CARMIL1: variants seen among roughly 807,000 people sequenced by gnomAD.
CARMIL1 encodes the protein F-actin-uncapping protein LRRC16A.
A neutral mutation model predicts 177.1 loss-of-function variants in CARMIL1; 90 were observed. The observed-to-expected ratio is 0.51, with a 90% confidence interval of 0.43 to 0.61. The LOEUF (loss-of-function observed/expected upper bound fraction) is 0.61, where lower values mean the gene tolerates loss of function less well. Among genes scored for constraint, CARMIL1 ranks in the 20% least tolerant of loss-of-function variants. CARMIL1 has a pLI of 0.00. For missense variants in CARMIL1, 1,380 were observed against 1,667.0 expected (o/e 0.83, Z 3.00); for synonymous variants, 577 against 606.2 (o/e 0.95, Z 0.71).
chr6:25,611,412 C>T (rs904620019), intron 36 of CARMIL1, among the ~76,000 whole-genome samples: 1 of 152,186 alleles, frequency 6.6e-6, no homozygotes, highest in Non-Finnish European at 1.5e-5. Context: ...AAAGGAAGGA[C>T]CTTTGGTGAT....
intron 2 of CARMIL1, among the ~76,000 whole-genome samples, chr6:25,352,046 G>A (rs1788156416): frequency 6.6e-6 from 1 of 150,642 alleles, no homozygotes; most frequent in Non-Finnish European, 1.5e-5. Flanking sequence ...GTCTCTTTTT[G>A]TTCCTGATGT....
At chr6:25,439,062 C>T (rs780506772) in intron 5 of CARMIL1, among the ~76,000 whole-genome samples, 10 of 150,618 alleles carry the variant, frequency 6.6e-5, no homozygotes, top group Non-Finnish European at 1.2e-4. Flanking sequence ...TGGGTAAGGG[C>T]AGTGAGGAAA....
At chr6:25,617,471 C>T (rs1469279898) in intron 36 of CARMIL1, among the ~76,000 whole-genome samples, 1 of 152,152 alleles carries the variant, frequency 6.6e-6, no homozygotes, top group Non-Finnish European at 1.5e-5. Flanking sequence ...AATATATTTG[C>T]TCTGAAGACA....
chr6:25,381,710 A>G (rs1332127767), intron 2 of CARMIL1, among the ~76,000 whole-genome samples: 1 of 152,142 alleles, frequency 6.6e-6, no homozygotes, highest in Non-Finnish European at 1.5e-5. Context: ...CTAGATGCCC[A>G]CCCTCCTAGC....
intron 5 of CARMIL1, among the ~76,000 whole-genome samples, chr6:25,440,872 T>C (rs1290276262): frequency 1.3e-5 from 2 of 152,054 alleles, no homozygotes; most frequent in African/African-American, 2.4e-5. Context: ...CCTTCCTTGC[T>C]TAGGGTACCT....
At chr6:25,319,799 C>G (rs147351684) in intron 2 of CARMIL1, among the ~76,000 whole-genome samples, 1 of 140,180 alleles carries the variant, frequency 7.1e-6, no homozygotes, top group East Asian at 2.1e-4. Context: ...AACAGAGTCT[C>G]GCTCTGTCAC....
At chr6:25,536,453 A>G (rs941381004) in intron 24 of CARMIL1, among the ~76,000 whole-genome samples, 1 of 152,106 alleles carries the variant, frequency 6.6e-6, no homozygotes, top group African/African-American at 2.4e-5. Context: ...TCTTTTTCCT[A>G]GGGGGATCTC....
intron 2 of CARMIL1, among the ~76,000 whole-genome samples, chr6:25,327,437 A>G (rs1785232602): frequency 6.6e-6 from 1 of 152,234 alleles, no homozygotes; most frequent in Non-Finnish European, 1.5e-5. Context: ...ATAAAAAGTC[A>G]AGAATCAACT....
intron 2 of CARMIL1, among the ~76,000 whole-genome samples, chr6:25,347,925 G>T (rs1436930012): frequency 6.6e-6 from 1 of 152,188 alleles, no homozygotes; most frequent in African/African-American, 2.4e-5. Context: ...ATAGAGAAAG[G>T]AGGTTAAGTT....
chr6:25,512,990 G>A (rs1007742731), intron 20 of CARMIL1, among the ~76,000 whole-genome samples: 7 of 152,132 alleles, frequency 4.6e-5, no homozygotes, highest in Non-Finnish European at 1.0e-4. Flanking sequence ...AAATCAAGAA[G>A]GGATGACCTT....
At chr6:25,335,938 TCTGCTCTGTTACTGTGTTGGCCATTGTTA>T (rs758112893) in intron 2 of CARMIL1, among the ~76,000 whole-genome samples, 3 of 151,838 alleles carry the variant, frequency 2.0e-5, no homozygotes, top group Non-Finnish European at 4.4e-5. Flanking sequence ...GGGATCTCTG[TCTGCTCTGTTACTGTGTTGGCCATTGTTA>T]CTGCTCTGTT....
At chr6:25,533,084 T>C (rs766741937) in intron 24 of CARMIL1, among the ~76,000 whole-genome samples, 1 of 152,184 alleles carries the variant, frequency 6.6e-6, no homozygotes, top group Non-Finnish European at 1.5e-5. Context: ...GCTTTACTTC[T>C]TAGAGCTATT....
chr6:25,470,679 T>A (rs772518772), intron 9 of CARMIL1, among the ~76,000 whole-genome samples: 3 of 152,188 alleles, frequency 2.0e-5, no homozygotes, highest in African/African-American at 4.8e-5. Flanking sequence ...TCCAGCAGAC[T>A]TGGTGTCTGG....
At chr6:25,478,927 G>C (rs763135702) in intron 11 of CARMIL1, among the ~76,000 whole-genome samples, 12 of 151,936 alleles carry the variant, frequency 7.9e-5, no homozygotes, top group Non-Finnish European at 1.6e-4. Context: ...CCTTATTTTT[G>C]AAATGGAAAT....
chr6:25,527,502 C>T (rs767013564), intron 23 of CARMIL1, among the ~76,000 whole-genome samples: 7 of 152,042 alleles, frequency 4.6e-5, no homozygotes, highest in African/African-American at 1.5e-4. Context: ...GCAAAAGGAC[C>T]GGAAGCTGGG....
chr6:25,605,501 A>T (rs1815865065), intron 34 of CARMIL1, among the ~76,000 whole-genome samples: 1 of 152,182 alleles, frequency 6.6e-6, no homozygotes, highest in African/African-American at 2.4e-5. Flanking sequence ...ATCACATTTT[A>T]TGGGCTTATT....
At chr6:25,469,877 A>G (rs529783429) in intron 9 of CARMIL1, among the ~76,000 whole-genome samples, 3 of 152,304 alleles carry the variant, frequency 2.0e-5, no homozygotes, top group African/African-American at 7.2e-5. Context: ...TGTATAAGTA[A>G]TATTAAGGTC....
chr6:25,477,623 AT>A (rs11356272), intron 11 of CARMIL1, among the ~76,000 whole-genome samples: 30,735 of 148,786 alleles, frequency 0.21, 3,135 homozygotes, highest in South Asian at 0.27. Flanking sequence ...ATGACAAGCA[AT>A]TTTTTTTTTT....
At chr6:25,363,231 G>T (rs1367352053) in intron 2 of CARMIL1, among the ~76,000 whole-genome samples, 1 of 151,754 alleles carries the variant, frequency 6.6e-6, no homozygotes, top group Admixed American at 6.6e-5. Flanking sequence ...AAGTGAAGTT[G>T]GATAGGGATT....
Sources: allele counts gnomAD v4.1 joint callset (sites outside exome capture counted in the v4.1 genomes callset), GRCh38; gene constraint gnomAD v4.1.1; transcripts MANE v1.5; gene names NCBI Gene and HGNC (gene_info 2026-07-23, HGNC 2026-07-21).